Variants in NAV3 observed in about 807,000 individuals in gnomAD.
NAV3 encodes the protein pore membrane and/or filament interacting like protein 1.
In NAV3, 87 loss-of-function variants were observed where a neutral mutation model predicts 244.7. That is an observed-to-expected ratio of 0.36 (90% CI 0.30 to 0.42). The LOEUF (loss-of-function observed/expected upper bound fraction) is 0.42, where lower values mean the gene tolerates loss of function less well. NAV3 is among the 20% of genes least tolerant of loss of function. The pLI, the probability that NAV3 is intolerant of heterozygous loss-of-function variation, is 1.00. For synonymous variants in NAV3, 1,126 were observed against 1,042.2 expected, an observed-to-expected ratio of 1.08 and a Z score of -1.55; for missense variants, 2,663 against 2,893.3, an observed-to-expected ratio of 0.92 and a Z score of 1.83.
At chr12:77,691,408 A>G (rs1368866368) in intron 2 of NAV3, among the ~76,000 whole-genome samples, 1 of 138,746 alleles carries the variant, frequency 7.2e-6, no homozygotes, top group Admixed American at 7.6e-5. Flanking sequence ...TTTCTTAACC[A>G]GAAATTATTA....
chr12:78,085,032 A>G (rs1468716512), intron 12 of NAV3, among the ~76,000 whole-genome samples: 1 of 152,182 alleles, frequency 6.6e-6, no homozygotes, highest in East Asian at 1.9e-4. Flanking sequence ...CATCAAAGGG[A>G]TGGGTAATAA....
intron 2 of NAV3, among the ~76,000 whole-genome samples, chr12:77,610,987 CT>C (rs1870887067): frequency 1.4e-5 from 2 of 147,640 alleles, no homozygotes; most frequent in African/African-American, 4.9e-5. Context: ...TATTGAAAAC[CT>C]CCATTAGAAA....
At chr12:78,122,908 T>TA (rs61235295) in intron 16 of NAV3, among the ~76,000 whole-genome samples, 2,031 of 144,300 alleles carry the variant, frequency 0.014, 54 homozygotes, top group African/African-American at 0.046. Context: ...TTGGCCTGGT[T>TA]AAAAAAAAAA....
intron 20 of NAV3, among the ~76,000 whole-genome samples, chr12:78,142,372 T>G (rs138018793): frequency 5.3e-4 from 81 of 152,216 alleles, no homozygotes; most frequent in African/African-American, 1.9e-3. Flanking sequence ...GTGTTCTGTA[T>G]CTACACTATC....
chr12:77,762,999 G>C (rs948412224), intron 2 of NAV3, among the ~76,000 whole-genome samples: 1 of 152,144 alleles, frequency 6.6e-6, no homozygotes, highest in African/African-American at 2.4e-5. Context: ...TTCTAGTCAT[G>C]TTGCATTTCC....
At chr12:78,178,008 G>GTT (rs3054760) in intron 28 of NAV3, among the ~76,000 whole-genome samples, 2 of 149,524 alleles carry the variant, frequency 1.3e-5, no homozygotes, top group East Asian at 2.0e-4. Context: ...TGTATATTAT[G>GTT]TTTTTTTTTT....
intron 4 of NAV3, 142 bp from the exon 5 acceptor site, chr12:77,968,373 GGTTT>G (rs1892695161): frequency 1.5e-6 from 1 of 651,192 alleles, no homozygotes; most frequent in Non-Finnish European, 2.6e-6. Flanking sequence ...CAGAAATTCA[GGTTT>G]GTTTGTGATT....
At chr12:77,840,344 G>A (rs904710926) in intron 1 of NAV3, among the ~76,000 whole-genome samples, 1 of 152,102 alleles carries the variant, frequency 6.6e-6, no homozygotes, top group African/African-American at 2.4e-5. Flanking sequence ...ATGTCAAAGT[G>A]ACATGATTAA....
intron 2 of NAV3, among the ~76,000 whole-genome samples, chr12:77,820,503 TC>T (rs1872694488): frequency 6.6e-6 from 1 of 152,212 alleles, no homozygotes; most frequent in Admixed American, 6.5e-5. Flanking sequence ...TCAATCACTT[TC>T]CAAAGGCCAC....
intron 7 of NAV3, among the ~76,000 whole-genome samples, chr12:78,004,422 G>A (rs774820081): frequency 1.3e-5 from 2 of 152,152 alleles, no homozygotes; most frequent in Non-Finnish European, 2.9e-5. Context: ...TGTAAGCAGA[G>A]ATAGCCCATA....
chr12:78,015,814 C>A (rs528174152), intron 8 of NAV3, among the ~76,000 whole-genome samples: 2 of 152,190 alleles, frequency 1.3e-5, no homozygotes, highest in Non-Finnish European at 2.9e-5. Context: ...TAATTAATGA[C>A]AACTGGTTTT....
intron 34 of NAV3, among the ~76,000 whole-genome samples, chr12:78,196,484 T>C (rs74705494): frequency 0.082 from 12,506 of 152,036 alleles, 667 homozygotes; most frequent in Non-Finnish European, 0.13. Context: ...ATGCAAATAT[T>C]ATGGAAATGT....
chr12:78,140,269 T>G lies in NAV3; in HGVS notation c.4631-13T>G, dbSNP rs377658950. ...TATTGTTTTAACTCTATTGTTCTGT[T>G]TGTTTTCTCCAGTTCATGGCTCTTC... On this transcript the variant is annotated splice_polypyrimidine_tract_variant and intron_variant, in intron 19 of 39. Coordinates refer to ENST00000397909, the MANE Select transcript of NAV3 (RefSeq NM_001024383.2). The G allele has an allele frequency of 2.5e-6, 4 of 1,612,002 alleles. No individual in the cohort carries two copies. Among genetic ancestry groups the G allele is most frequent in the Non-Finnish European group, 3.4e-6 (4 of 1,178,396 alleles).
rs11108460 is a variant in NAV3, at chr12:78,142,448, A to G, written c.4683+2114A>G. On this transcript the variant is annotated intron_variant, in intron 20 of 39. Coordinates refer to ENST00000397909, the MANE Select transcript of NAV3 (RefSeq NM_001024383.2). ...TGAAGTATATCTGGCAAAGAGATGA[A>G]TTGACTTTTTTATTTTAATTAATTT... Among the ~76,000 whole-genome samples, 638 of 152,100 alleles carry G rather than the reference A, an allele frequency of 4.2e-3. 5 individuals are homozygous for G. The highest frequency in any genetic ancestry group is 0.01 in the Admixed American group (156 of 15,258).
At chr12:77,702,210 T>G (rs1452925714) in intron 2 of NAV3, among the ~76,000 whole-genome samples, 3 of 152,050 alleles carry the variant, frequency 2.0e-5, no homozygotes, top group Non-Finnish European at 4.4e-5. Context: ...GTGCAAAAGG[T>G]CCTTCCTTAT....
At chr12:77,639,273 C>G (rs934803909) in intron 2 of NAV3, among the ~76,000 whole-genome samples, 12 of 152,138 alleles carry the variant, frequency 7.9e-5, no homozygotes, top group African/African-American at 2.9e-4. Flanking sequence ...ACAATTTAGT[C>G]AGGTGTACTT....
chr12:77,876,190 T>C (rs1881822466), intron 1 of NAV3, among the ~76,000 whole-genome samples: 1 of 152,034 alleles, frequency 6.6e-6, no homozygotes, highest in Non-Finnish European at 1.5e-5. Flanking sequence ...TTACACCTGA[T>C]CACCAAAGTT....
chr12:77,730,761 T>A lies in NAV3; in HGVS notation c.72+158495T>A, dbSNP rs571005885. 3.3e-5 allele frequency among the ~76,000 whole-genome samples: 5 copies of A among 151,156 alleles called. No homozygotes were observed. The South Asian group carries it at 1.0e-3, about 32-fold the overall frequency. ...GTGCCCATTGAATGGGATGGCATAGTGCTTTTTTCTTTTTTTTTTTTTTAA... is the reference window on the plus strand; with the variant it reads ...GTGCCCATTGAATGGGATGGCATAGAGCTTTTTTCTTTTTTTTTTTTTTAA... On this transcript the variant is annotated intron_variant, in intron 2 of 8. Coordinates refer to the NAV3 transcript ENST00000550042.
rs747746706 is a variant in NAV3, at chr12:78,119,456, C to G, written c.3260C>G (p.Thr1087Arg). The G allele has an allele frequency of 6.2e-7, 1 of 1,614,204 alleles. No homozygotes were observed. The highest frequency in any genetic ancestry group is 8.5e-7 in the Non-Finnish European group (1 of 1,180,032). ...ATCACCAGCAGTGGAGCAACCATAA[C>G]AAGTGGCTCTGCAACACTGGGTAAA... ...AMITSSGATI[T>R]SGSATLGKIP... The change falls in exon 15 of 40, where the codon ACA becomes AGA. Residue 1087 changes from threonine to arginine, a missense_variant. Thr to Arg is a moderately conservative substitution (Grantham distance 71). This residue lies in a region of NAV3 where 1,521 missense variants were observed against 1,497.0 expected (regional missense o/e 1.02). Coordinates refer to ENST00000397909, the MANE Select transcript of NAV3 (RefSeq NM_001024383.2).
Sources: allele counts gnomAD v4.1 joint callset (sites outside exome capture counted in the v4.1 genomes callset), GRCh38; gene constraint gnomAD v4.1.1; regional missense constraint gnomAD v4.1.1; transcripts MANE v1.5; gene names NCBI Gene and HGNC (gene_info 2026-07-23, HGNC 2026-07-21).